ZNF385D: variants seen among roughly 807,000 people sequenced by gnomAD.
ZNF385D encodes zinc finger protein 385D.
In ZNF385D, 15 loss-of-function variants were observed where a neutral mutation model predicts 35.8. The observed-to-expected ratio is 0.42, with a 90% CI of 0.28 to 0.64. The LOEUF is 0.64. ZNF385D is among the 30% of genes least tolerant of loss of function. The pLI, the probability that ZNF385D is intolerant of heterozygous loss-of-function variation, is 0.23. For missense variants in ZNF385D, 474 were observed against 494.6 expected (o/e 0.96, Z 0.39); for synonymous variants, 212 against 186.8 (o/e 1.13, Z -1.10).
chr3:21,647,570 T>C (rs1024385086), intron 2 of ZNF385D, among the ~76,000 whole-genome samples: 1 of 152,196 alleles, frequency 6.6e-6, no homozygotes, highest in African/African-American at 2.4e-5. Flanking sequence ...TAGCTAATTA[T>C]GTAATATTGA....
chr3:22,111,152 ATTTTTTTTTTTT>A (rs61708178), intron 3 of ZNF385D, among the ~76,000 whole-genome samples: 5 of 68,974 alleles, frequency 7.2e-5, no homozygotes, highest in African/African-American at 2.5e-4. Context: ...TCCATGTTGG[ATTTTTTTTTTTT>A]TTTTTTTTTT....
At chr3:22,123,828 C>T (rs1335550808) in intron 3 of ZNF385D, among the ~76,000 whole-genome samples, 1 of 151,894 alleles carries the variant, frequency 6.6e-6, no homozygotes, top group Non-Finnish European at 1.5e-5. Context: ...CACCACTGCA[C>T]TCCAGCCTGG....
intron 3 of ZNF385D, among the ~76,000 whole-genome samples, chr3:22,153,464 C>CTTTTTTTT (rs769926281): frequency 2.7e-5 from 3 of 109,326 alleles, no homozygotes; most frequent in Admixed American, 9.5e-5. Flanking sequence ...TGAAATTCTT[C>CTTTTTTTT]TTTTTTTTTT....
intron 2 of ZNF385D, among the ~76,000 whole-genome samples, chr3:21,602,769 A>G (rs903791270): frequency 2.0e-5 from 3 of 150,652 alleles, no homozygotes; most frequent in South Asian, 2.1e-4. Context: ...TCCTAACCTC[A>G]TGATCCACCC....
Position 21,944,271 on chromosome 3 carries a change from G to GTA in ZNF385D, c.325+224545_325+224546insTA, listed in dbSNP as rs1559778372. Among the ~76,000 whole-genome samples, 12 of 152,270 alleles carry GTA rather than the reference G, an allele frequency of 7.9e-5. No individual in the cohort carries two copies. In the East Asian group the frequency reaches 2.3e-3, roughly 29 times the overall value. ...AAAACTATTACAGAAATGAATAGAAGGTCGTCTCTGCAGATTTTCTCTTGC... is the reference window on the plus strand; with the variant it reads ...AAAACTATTACAGAAATGAATAGAAGTAGTCGTCTCTGCAGATTTTCTCTTGC... On this transcript the variant is annotated intron_variant, in intron 3 of 5. Transcript: ENST00000494108.
At chr3:22,220,073 CTTTTTT>C (rs1420745443) in intron 2 of ZNF385D, among the ~76,000 whole-genome samples, 3 of 129,766 alleles carry the variant, frequency 2.3e-5, no homozygotes, top group Admixed American at 1.5e-4. Context: ...TTTTTTTTTT[CTTTTTT>C]TGAGACAGGG....
Position 21,421,056 on chromosome 3 carries a change from C to A in ZNF385D, c.*158G>T. On this transcript the variant is annotated 3_prime_UTR_variant, in exon 8 of 8. Coordinates refer to ENST00000281523, the MANE Select transcript of ZNF385D (RefSeq NM_024697.3). ...CACTCCCTCCCTCCCACCCCCAAAC[C>A]TCCCCCACTTTTTTATAACCTTTTC... The A allele has an allele frequency of 4.1e-6, 1 of 245,602 alleles. No homozygotes were observed. The highest frequency in any genetic ancestry group is 4.2e-5 in the South Asian group (1 of 24,060). 15.2% of individuals were successfully genotyped at this position (245,602 alleles called of 1,614,324 possible).
chr3:22,318,652 A>C (rs1575109556), intron 2 of ZNF385D, among the ~76,000 whole-genome samples: 1 of 152,218 alleles, frequency 6.6e-6, no homozygotes, highest in East Asian at 1.9e-4. Context: ...GATATTAAGC[A>C]GAAAGGAATT....
intron 2 of ZNF385D, among the ~76,000 whole-genome samples, chr3:22,172,312 T>C (rs1302079514): frequency 6.6e-6 from 1 of 152,234 alleles, no homozygotes; most frequent in African/African-American, 2.4e-5. Context: ...TAGATGTGGA[T>C]ACTGATTTAC....
intron 3 of ZNF385D, among the ~76,000 whole-genome samples, chr3:22,064,897 C>T (rs1289475510): frequency 6.6e-6 from 1 of 152,130 alleles, no homozygotes; most frequent in African/African-American, 2.4e-5. Flanking sequence ...AGTAACAATG[C>T]ATTGTATATT....
chr3:21,834,866 A>G (rs1036253199), intron 3 of ZNF385D, among the ~76,000 whole-genome samples: 2 of 152,112 alleles, frequency 1.3e-5, no homozygotes, highest in Non-Finnish European at 2.9e-5. Context: ...CCCCTTGTGA[A>G]GAAGGTGCTT....
chr3:21,937,042 C>A (rs1415835900), intron 3 of ZNF385D, among the ~76,000 whole-genome samples: 1 of 152,024 alleles, frequency 6.6e-6, no homozygotes, highest in Non-Finnish European at 1.5e-5. Flanking sequence ...AAGCACTATT[C>A]TTTGTCAGAG....
intron 2 of ZNF385D, among the ~76,000 whole-genome samples, chr3:22,321,164 G>GTTTTTTTTTTTTTTTTTTTTTT: frequency 2.6e-5 from 2 of 76,164 alleles, no homozygotes; most frequent in Non-Finnish European, 4.8e-5. Flanking sequence ...TTATGACCTT[G>GTTTTTTTTTTTTTTTTTTTTTT]TTTTTTTTTT....
At chr3:22,020,839 G>A (rs1194161655) in intron 3 of ZNF385D, among the ~76,000 whole-genome samples, 1 of 151,984 alleles carries the variant, frequency 6.6e-6, no homozygotes, top group Non-Finnish European at 1.5e-5. Flanking sequence ...GTTTATCACA[G>A]CACTAGTCAC....
intron 2 of ZNF385D, among the ~76,000 whole-genome samples, chr3:21,628,818 T>C (rs758252531): frequency 1.3e-5 from 2 of 152,196 alleles, no homozygotes; most frequent in East Asian, 3.9e-4. Flanking sequence ...ATGATAATAA[T>C]AGCTAAATTT....
intron 2 of ZNF385D, among the ~76,000 whole-genome samples, chr3:22,229,910 C>A (rs1017585771): frequency 6.6e-6 from 1 of 152,174 alleles, no homozygotes; most frequent in Non-Finnish European, 1.5e-5. Flanking sequence ...AATTGAGGCT[C>A]AACATTGTAC....
intron 1 of ZNF385D, among the ~76,000 whole-genome samples, chr3:21,728,979 C>G (rs2068882006): frequency 6.6e-6 from 1 of 152,180 alleles, no homozygotes; most frequent in African/African-American, 2.4e-5. Flanking sequence ...GTGTTTGGAG[C>G]ATGGCAGAAT....
rs532230642 is a variant in ZNF385D, at chr3:21,810,761, T to C, written c.326-145733A>G. On this transcript the variant is annotated intron_variant, in intron 3 of 5. Coordinates refer to the ZNF385D transcript ENST00000494108. Reference sequence around the variant, plus strand: ...AATGAATCAAATGGGATTAGATGCATATGAAGCTGGAGACATCCCTACACA... The same window carrying C: ...AATGAATCAAATGGGATTAGATGCACATGAAGCTGGAGACATCCCTACACA... 2.6e-5 allele frequency among the ~76,000 whole-genome samples: 4 copies of C among 152,112 alleles called. No individual in the cohort carries two copies. The East Asian group carries it at 5.8e-4, about 22-fold the overall frequency.
rs551927634 is a variant in ZNF385D, at chr3:21,564,484, G to GA, written c.276+89dup. On this transcript the variant is annotated intron_variant, in intron 3 of 7. Coordinates refer to ENST00000281523, the MANE Select transcript of ZNF385D (RefSeq NM_024697.3). The stretch of plus-strand genomic sequence containing the variant: ...AATTTTGACATGCTCAGTTACTGGA[G>GA]AAAATGTCTTAAGAAATCTTTTCTC... 132 of 754,012 alleles carry GA rather than the reference G, an allele frequency of 1.8e-4. No individual in the cohort carries two copies. The African/African-American group carries it at 2.3e-3, about 13-fold the overall frequency. 46.7% of individuals were successfully genotyped at this position (754,012 alleles called of 1,614,324 possible). A position where few individuals can be genotyped will look rare whatever the true frequency, so the allele number is the denominator to read the frequency against.
Sources: allele counts gnomAD v4.1 joint callset (sites outside exome capture counted in the v4.1 genomes callset), GRCh38; gene constraint gnomAD v4.1.1; transcripts MANE v1.5; gene names NCBI Gene and HGNC (gene_info 2026-07-23, HGNC 2026-07-21).